Variants in GPC6 observed in about 807,000 individuals in gnomAD.
GPC6 encodes glypican 6.
Under a neutral mutation model 55.2 loss-of-function variants are expected in GPC6, and 14 were observed. The observed-to-expected ratio is 0.25, with a 90% CI of 0.17 to 0.40. GPC6 has a LOEUF of 0.40. Ranked by LOEUF, GPC6 falls within the 10% of genes least tolerant of loss-of-function variation. The pLI is 1.00. For synonymous variants in GPC6, 278 were observed against 259.6 expected, an observed-to-expected ratio of 1.07 and a Z score of -0.68; for missense variants, 641 against 708.5, an observed-to-expected ratio of 0.90 and a Z score of 1.08.
intron 4 of GPC6, among the ~76,000 whole-genome samples, chr13:94,176,672 T>C (rs1336138734): frequency 6.6e-6 from 1 of 152,256 alleles, no homozygotes; most frequent in Non-Finnish European, 1.5e-5. Flanking sequence ...TCTCTTTAGC[T>C]ATGTATTCTC....
At chr13:94,372,822 G>C (rs1306570149) in intron 6 of GPC6, among the ~76,000 whole-genome samples, 5 of 152,182 alleles carry the variant, frequency 3.3e-5, no homozygotes, top group Non-Finnish European at 5.9e-5. Flanking sequence ...CTGTCTGACA[G>C]CTTTGAAGAG....
At chr13:94,131,412 ATAACT>A (rs1296001519) in intron 4 of GPC6, among the ~76,000 whole-genome samples, 1 of 152,176 alleles carries the variant, frequency 6.6e-6, no homozygotes, top group African/African-American at 2.4e-5. Context: ...AAAAATACAA[ATAACT>A]TAAAATGACA....
intron 2 of GPC6, among the ~76,000 whole-genome samples, chr13:93,806,990 C>T (rs1886560755): frequency 6.6e-6 from 1 of 152,116 alleles, no homozygotes; most frequent in South Asian, 2.1e-4. Flanking sequence ...CTTTCATAAA[C>T]AGTAAGAGCT....
intron 2 of GPC6, among the ~76,000 whole-genome samples, chr13:93,547,742 C>T (rs1241442829): frequency 6.6e-6 from 1 of 151,680 alleles, no homozygotes; most frequent in African/African-American, 2.4e-5. Flanking sequence ...AAAAGAGAAT[C>T]TAAATGTGAT....
intron 2 of GPC6, among the ~76,000 whole-genome samples, chr13:93,796,858 C>T (rs1258698805): frequency 3.4e-5 from 3 of 87,624 alleles, no homozygotes; most frequent in Non-Finnish European, 7.1e-5. Context: ...CATCTTAACT[C>T]TGATGCACAA....
intron 5 of GPC6, among the ~76,000 whole-genome samples, chr13:94,294,344 C>T (rs1044388268): frequency 6.6e-6 from 1 of 150,696 alleles, no homozygotes; most frequent in Non-Finnish European, 1.5e-5. Flanking sequence ...TTACTACCGA[C>T]GAGGGTAGAA....
intron 2 of GPC6, among the ~76,000 whole-genome samples, chr13:93,552,488 C>G (rs375001043): frequency 4.0e-5 from 6 of 151,708 alleles, no homozygotes; most frequent in Non-Finnish European, 7.4e-5. Flanking sequence ...CTGTCTCTCT[C>G]TCTCTCTCTC....
rs774222688 is a variant in GPC6, at chr13:93,350,421, G to A, written c.160+122805G>A. ...TGCACTCCAGCTTGGGTGACAGAGCGAGACTCCATCTCAAATAAATAAATA... is the reference window on the plus strand; with the variant it reads ...TGCACTCCAGCTTGGGTGACAGAGCAAGACTCCATCTCAAATAAATAAATA... On this transcript the variant is annotated intron_variant, in intron 1 of 8. Transcript: ENST00000377047. Among the ~76,000 whole-genome samples, 8 of 152,258 alleles carry A rather than the reference G, an allele frequency of 5.3e-5. No individual in the cohort carries two copies. In the East Asian group the frequency reaches 5.8e-4, roughly 11 times the overall value.
intron 1 of GPC6, among the ~76,000 whole-genome samples, chr13:93,271,918 C>T (rs1161476239): frequency 2.0e-5 from 3 of 152,016 alleles, no homozygotes; most frequent in African/African-American, 7.2e-5. Context: ...CATGGCAGAC[C>T]ATTAATTAAC....
At chr13:94,003,336 T>C (rs950015482) in intron 3 of GPC6, among the ~76,000 whole-genome samples, 2 of 152,168 alleles carry the variant, frequency 1.3e-5, no homozygotes, top group Admixed American at 1.3e-4. Flanking sequence ...ACCTTGTAAA[T>C]CAGCCCTGTG....
chr13:93,728,204 TTTTGTTTG>T (rs56015850), intron 2 of GPC6, among the ~76,000 whole-genome samples: 8 of 149,290 alleles, frequency 5.4e-5, no homozygotes, highest in Non-Finnish European at 8.9e-5. Context: ...ATCTTTTTGG[TTTTGTTTG>T]TTTGTTTGTT....
At chr13:93,651,870 T>C (rs771158592) in intron 2 of GPC6, among the ~76,000 whole-genome samples, 6 of 152,082 alleles carry the variant, frequency 3.9e-5, no homozygotes, top group Non-Finnish European at 5.9e-5. Context: ...CATATTCCAC[T>C]CCAGACCAAT....
At chr13:93,656,613 C>T (rs1238028278) in intron 2 of GPC6, among the ~76,000 whole-genome samples, 1 of 152,086 alleles carries the variant, frequency 6.6e-6, no homozygotes, top group Non-Finnish European at 1.5e-5. Flanking sequence ...ATCACATTGA[C>T]TTACTGATTT....
At chr13:94,190,754 G>C (rs992138821) in intron 4 of GPC6, among the ~76,000 whole-genome samples, 4 of 152,102 alleles carry the variant, frequency 2.6e-5, no homozygotes, top group African/African-American at 9.7e-5. Flanking sequence ...GGAGTAAAAG[G>C]CCACGATGTG....
chr13:93,883,309 A>G (rs1292577063), intron 3 of GPC6, among the ~76,000 whole-genome samples: 1 of 151,978 alleles, frequency 6.6e-6, no homozygotes, highest in Non-Finnish European at 1.5e-5. Flanking sequence ...CAGCCTTTAC[A>G]TCACCAAATT....
At chr13:94,152,656 T>TA (rs5805852) in intron 4 of GPC6, among the ~76,000 whole-genome samples, 41,575 of 149,216 alleles carry the variant, frequency 0.28, 6,208 homozygotes, top group African/African-American at 0.4. Context: ...AAGCCTACTT[T>TA]AAAAAAAAAA....
chr13:94,272,486 T>G (rs1892066539), intron 4 of GPC6, among the ~76,000 whole-genome samples: 1 of 104,838 alleles, frequency 9.5e-6, no homozygotes, highest in East Asian at 2.9e-4. Flanking sequence ...TTTTTTTTTT[T>G]GAAACAGAGT....
At chr13:94,039,026 C>A (rs1024678935) in intron 4 of GPC6, among the ~76,000 whole-genome samples, 3 of 151,846 alleles carry the variant, frequency 2.0e-5, no homozygotes, top group African/African-American at 7.3e-5. Flanking sequence ...ATGGCCTTAC[C>A]CCTGCTCAAA....
At chr13:93,469,017 C>T (rs1223463473) in intron 1 of GPC6, among the ~76,000 whole-genome samples, 1 of 152,134 alleles carries the variant, frequency 6.6e-6, no homozygotes, top group Non-Finnish European at 1.5e-5. Context: ...TACTAATCAC[C>T]AGTGTAATTA....
Sources: gnomAD v4.1 joint callset for allele counts (sites outside exome capture counted in the v4.1 genomes callset) on GRCh38, gnomAD v4.1.1 for gene constraint, MANE v1.5 for transcripts, NCBI Gene and HGNC (gene_info 2026-07-23, HGNC 2026-07-21) for gene names.